The following GRIK5 variants were observed in gnomAD, a reference collection of about 807,000 sequenced individuals.
GRIK5 encodes the protein glutamate ionotropic receptor kainate type subunit 5, also known as glutamate receptor ionotropic, kainate 5.
Under a neutral mutation model 97.4 loss-of-function variants are expected in GRIK5, and 43 were observed. The observed-to-expected ratio is 0.44, with a 90% CI of 0.35 to 0.57. The LOEUF is 0.57. Among genes scored for constraint, GRIK5 ranks in the 20% least tolerant of loss-of-function variants. The pLI, the probability that GRIK5 is intolerant of heterozygous loss-of-function variation, is 0.01. For synonymous variants in GRIK5, 580 were observed against 583.5 expected (o/e 0.99, Z 0.09); for missense variants, 1,015 against 1,382.0 (o/e 0.73, Z 4.21).
In GRIK5 at chr19:41,999,354, C is replaced by A; in HGVS notation, c.2515-55G>T. 1.5e-6 allele frequency: 2 copies of A among 1,358,132 alleles called. No individual in the cohort carries two copies. The highest frequency in any genetic ancestry group is 2.7e-5 in the South Asian group (2 of 74,228). 84.1% of individuals were successfully genotyped at this position (1,358,132 alleles called of 1,614,324 possible). On this transcript the variant is annotated intron_variant, in intron 19 of 19. Transcript: ENST00000593562. The surrounding 1 kb of genome is among the most constrained non-coding windows in gnomAD (Gnocchi z 5.0). Reference sequence around the variant, plus strand: ...GGCGCAGTCCGCCTCCCGCCTCCCCCAGCCCCTCTCCACATCCCACTCCTC... The same window carrying A: ...GGCGCAGTCCGCCTCCCGCCTCCCCAAGCCCCTCTCCACATCCCACTCCTC...
chr19:42,041,916 C>T (rs1429384350), intron 12 of GRIK5, among the ~76,000 whole-genome samples: 1 of 152,170 alleles, frequency 6.6e-6, no homozygotes, highest in African/African-American at 2.4e-5. Context: ...TCCCCAATCA[C>T]AGCCCAGACA....
Position 42,062,815 on chromosome 19 carries a change from C to T in GRIK5, c.285G>A (p.Gly95=), listed in dbSNP as rs543755723. ...AGGCAGATGCTGGGCTAGAGGAGGG[C>T]CCAAGGACAGACACAACCCCTTTGG... The part of the protein sequence containing the change: ...ILPKGVVSVL[G]PSSSPASAST... Residue 95 remains glycine, a synonymous_variant, in exon 4 of 20, where the codon GGG becomes GGA. Transcript: ENST00000593562. This position sits in a 1 kb window ranked among gnomAD's most constrained non-coding sequence, Gnocchi z 5.3. The T allele has an allele frequency of 6.2e-7, 1 of 1,614,040 alleles. No homozygotes were observed. The highest frequency in any genetic ancestry group is 1.3e-5 in the African/African-American group (1 of 75,044).
rs545318506 is a variant in GRIK5 at position 42,069,033 on chromosome 19, T to G, written c.-51+208A>C. ...AAAGCTAGAGGGCCAGGGGCGGCAG[T>G]GAGCTATGTACCCAGAAGAAGAGGT... On this transcript the variant is annotated intron_variant, in intron 1 of 19. Transcript: ENST00000593562. 3 of 507,122 alleles carry G rather than the reference T, an allele frequency of 5.9e-6. No individual in the cohort carries two copies. In the East Asian group the frequency reaches 9.9e-5, roughly 17 times the overall value. The allele number at this position is 507,122 out of a possible 1,614,324, so 31.4% of individuals were successfully genotyped here.
At chr19:42,058,909 T>C (rs1261581738) in intron 6 of GRIK5, among the ~76,000 whole-genome samples, 1 of 152,012 alleles carries the variant, frequency 6.6e-6, no homozygotes, top group Admixed American at 6.5e-5. Flanking sequence ...TTAAAAATCC[T>C]TCAGAGCTAC....
intron 15 of GRIK5, among the ~76,000 whole-genome samples, chr19:42,012,656 G>A (rs192272751): frequency 2.0e-5 from 3 of 152,176 alleles, no homozygotes; most frequent in South Asian, 2.1e-4. Flanking sequence ...TGGGTGGATC[G>A]CTTGAGCCCA....
intron 11 of GRIK5, among the ~76,000 whole-genome samples, chr19:42,047,955 AGAGT>A (rs1434634508): frequency 6.8e-6 from 1 of 147,578 alleles, no homozygotes; most frequent in Non-Finnish European, 1.5e-5. Context: ...CCTGGGCAAC[AGAGT>A]GAGACTCTGT....
intron 12 of GRIK5, among the ~76,000 whole-genome samples, chr19:42,040,891 T>A (rs915478110): frequency 1.3e-5 from 2 of 151,112 alleles, no homozygotes; most frequent in Admixed American, 1.3e-4. Flanking sequence ...AATAAATAAA[T>A]AAAATAATAA....
At chr19:42,054,572 T>G in intron 8 of GRIK5, 100 bp from the exon 9 acceptor site, 16 of 1,307,648 alleles carry the variant, frequency 1.2e-5, no homozygotes, top group East Asian at 2.5e-5. Flanking sequence ...CTCAAATAAC[T>G]TCCCTCTCCC....
At chr19:42,044,157 A>G (rs1326594581) in intron 11 of GRIK5, among the ~76,000 whole-genome samples, 1 of 152,140 alleles carries the variant, frequency 6.6e-6, no homozygotes, top group Non-Finnish European at 1.5e-5. Flanking sequence ...CCTTGTGAAG[A>G]AGGTGCCTTG....
intron 12 of GRIK5, among the ~76,000 whole-genome samples, chr19:42,038,300 G>C (rs1197516682): frequency 6.6e-6 from 1 of 152,202 alleles, no homozygotes; most frequent in Non-Finnish European, 1.5e-5. Context: ...CATAATTCAA[G>C]ACAGGCCAAG....
Position 42,057,673 on chromosome 19 carries a change from G to A in GRIK5, c.688-695C>T, listed in dbSNP as rs142300369. 1.2e-3 allele frequency among the ~76,000 whole-genome samples: 189 copies of A among 152,250 alleles called. 1 individual carries two copies. The highest frequency in any genetic ancestry group is 4.3e-3 in the African/African-American group (179 of 41,526). On this transcript the variant is annotated intron_variant, in intron 6 of 19. Transcript: ENST00000593562. ...GAGCCACCAGGCCCAGCAGAGAGGA[G>A]AGCCTTAATTTTAAGCCCTACACTC...
At chr19:42,001,187 T>G (rs2075420290) in intron 19 of GRIK5, among the ~76,000 whole-genome samples, 2 of 152,202 alleles carry the variant, frequency 1.3e-5, no homozygotes, top group African/African-American at 4.8e-5. Context: ...AATCGTAAGC[T>G]GTTTCCCCTT....
In GRIK5 at chr19:42,022,059, GT is replaced by G. The variant is rs777738450; in HGVS notation, c.1588-4del. The G allele has an allele frequency of 8.7e-6, 14 of 1,603,952 alleles. No homozygotes were observed. The highest frequency in any genetic ancestry group is 1.0e-5 in the Non-Finnish European group (12 of 1,172,068). On this transcript the variant is annotated splice_region_variant and splice_polypyrimidine_tract_variant and intron_variant, in intron 13 of 19. Coordinates refer to ENST00000593562, the MANE Select transcript of GRIK5 (RefSeq NM_002088.5). The surrounding 1 kb of genome is among the most constrained non-coding windows in gnomAD (Gnocchi z 4.2). ...GAGAAGTAGCCAGGCTTGCGGCCCT[GT>G]GGGGAGAGGGAGTGAGACCCGGAGA... is the stretch of plus-strand genomic sequence containing the variant.
At chr19:42,011,786 A>C (rs1266702505) in intron 15 of GRIK5, among the ~76,000 whole-genome samples, 1 of 152,092 alleles carries the variant, frequency 6.6e-6, no homozygotes, top group African/African-American at 2.4e-5. Context: ...CAGCCTGGGC[A>C]ATGAAGTGAG....
intron 12 of GRIK5, among the ~76,000 whole-genome samples, chr19:42,038,826 G>A (rs1283067096): frequency 6.6e-6 from 1 of 152,232 alleles, no homozygotes; most frequent in African/African-American, 2.4e-5. Context: ...TGATGACGGT[G>A]GTGACTATTC....
chr19:42,030,997 AGACT>A (rs1432560557), intron 12 of GRIK5, among the ~76,000 whole-genome samples: 1 of 152,220 alleles, frequency 6.6e-6, no homozygotes, highest in Non-Finnish European at 1.5e-5. Flanking sequence ...ACACTGAGCA[AGACT>A]GTGAAGATGT....
Position 42,065,328 on chromosome 19 carries a change from C to A in GRIK5, c.139G>T (p.Ala47Ser). The stretch of plus-strand genomic sequence containing the variant: ...ATGATCCCGTTGATCTGCTCCCGGG[C>A]CAAGGCCAAGGCCAGACGCTCACCG... ...GRGERLALAL[A>S]REQINGIIEV... The change falls in exon 3 of 20, where the codon GCC becomes TCC. Residue 47 changes from alanine to serine, a missense_variant. Ala to Ser is a moderately conservative substitution (Grantham distance 99). This residue lies in a region of GRIK5 where 198 missense variants were observed against 218.2 expected (regional missense o/e 0.91). Transcript: ENST00000593562. The surrounding 1 kb of genome is among the most constrained non-coding windows in gnomAD (Gnocchi z 5.8). 6.2e-7 allele frequency: 1 copy of A among 1,610,380 alleles called. No homozygotes were observed. Among genetic ancestry groups the A allele is most frequent in the Non-Finnish European group, 8.5e-7 (1 of 1,178,596 alleles).
At chr19:42,008,426 A>G (rs2075520307) in intron 15 of GRIK5, among the ~76,000 whole-genome samples, 1 of 152,106 alleles carries the variant, frequency 6.6e-6, no homozygotes, top group Non-Finnish European at 1.5e-5. Context: ...CAGGAGTTCA[A>G]GGACAACCTG....
intron 1 of GRIK5, chr19:42,068,722 C>T: frequency 2.0e-6 from 1 of 492,058 alleles, no homozygotes; most frequent in South Asian, 3.1e-5. Flanking sequence ...ATGCCGAGAG[C>T]AACCTGGGCT....
Sources: allele counts gnomAD v4.1 joint callset (sites outside exome capture counted in the v4.1 genomes callset), GRCh38; gene constraint gnomAD v4.1.1; regional missense constraint gnomAD v4.1.1; non-coding constraint Gnocchi (gnomAD v3.1); transcripts MANE v1.5; gene names NCBI Gene and HGNC (gene_info 2026-07-23, HGNC 2026-07-21).